Variants in ZBTB7C observed in about 807,000 individuals in gnomAD.
ZBTB7C encodes zinc finger and BTB domain-containing protein 7C.
In ZBTB7C, 8 loss-of-function variants were observed where a neutral mutation model predicts 25.7. The observed-to-expected ratio is 0.31, with a 90% CI of 0.18 to 0.56. The LOEUF (loss-of-function observed/expected upper bound fraction) is 0.56. Among genes scored for constraint, ZBTB7C ranks in the 20% least tolerant of loss-of-function variants. The pLI is 0.91. For missense variants in ZBTB7C, 824 were observed against 855.2 expected (o/e 0.96, Z 0.46); for synonymous variants, 394 against 369.0 (o/e 1.07, Z -0.78).
chr18:48,180,754 C>A (rs553488784), intron 3 of ZBTB7C, among the ~76,000 whole-genome samples: 4 of 152,290 alleles, frequency 2.6e-5, no homozygotes, highest in Admixed American at 2.0e-4. Flanking sequence ...TATCATTCAA[C>A]CTCCCACCAG....
chr18:48,061,752 TTGAGAA>T (rs1409355739), intron 3 of ZBTB7C, among the ~76,000 whole-genome samples: 1 of 152,230 alleles, frequency 6.6e-6, no homozygotes, highest in Non-Finnish European at 1.5e-5. Flanking sequence ...TGTAAGTTCC[TTGAGAA>T]TGAGAATGAG....
At chr18:48,071,299 A>G (rs2037532213) in intron 3 of ZBTB7C, among the ~76,000 whole-genome samples, 2 of 152,220 alleles carry the variant, frequency 1.3e-5, no homozygotes, top group African/African-American at 4.8e-5. Flanking sequence ...GTAAAGAAGC[A>G]TGAATGACTC....
At chr18:48,177,347 C>T (rs2041716408) in intron 3 of ZBTB7C, among the ~76,000 whole-genome samples, 1 of 152,138 alleles carries the variant, frequency 6.6e-6, no homozygotes, top group South Asian at 2.1e-4. Context: ...TCTTCAAGGC[C>T]CCCTCCTGGT....
At chr18:48,064,802 G>C (rs1397660287) in intron 3 of ZBTB7C, among the ~76,000 whole-genome samples, 1 of 152,076 alleles carries the variant, frequency 6.6e-6, no homozygotes, top group African/African-American at 2.4e-5. Flanking sequence ...CCAAGGCAGG[G>C]CCCCCCGGGA....
At chr18:48,073,665 CACCCAAGAAG>C (rs1312368335) in intron 3 of ZBTB7C, among the ~76,000 whole-genome samples, 1 of 152,200 alleles carries the variant, frequency 6.6e-6, no homozygotes, top group Non-Finnish European at 1.5e-5. Flanking sequence ...CCTCTCCCCC[CACCCAAGAAG>C]ACCTTATTTC....
At chr18:48,394,380 C>T (rs1205025750) in intron 1 of ZBTB7C, among the ~76,000 whole-genome samples, 1 of 152,186 alleles carries the variant, frequency 6.6e-6, no homozygotes, top group African/African-American at 2.4e-5. Context: ...CTCTTTGCCT[C>T]ATTCACAGCG....
intron 3 of ZBTB7C, among the ~76,000 whole-genome samples, chr18:48,167,543 G>A (rs999466819): frequency 8.2e-6 from 1 of 121,252 alleles, no homozygotes; most frequent in South Asian, 2.6e-4. Flanking sequence ...AATGTTAAAT[G>A]CAGGCCACTG....
chr18:48,411,944 T>C (rs894881352), upstream of ZBTB7C, among the ~76,000 whole-genome samples: 1 of 152,226 alleles, frequency 6.6e-6, no homozygotes, highest in African/African-American at 2.4e-5. Context: ...GTAAGTGCAA[T>C]GGTAAACGTT....
chr18:48,350,254 G>A (rs1178097220), intron 1 of ZBTB7C, among the ~76,000 whole-genome samples: 2 of 152,178 alleles, frequency 1.3e-5, no homozygotes, highest in Non-Finnish European at 2.9e-5. Flanking sequence ...CCTTCCTGGA[G>A]GCTCTAGGGA....
chr18:48,203,399 T>A (rs1193697700), intron 2 of ZBTB7C: 1 of 152,304 alleles, frequency 6.6e-6, no homozygotes, highest in Non-Finnish European at 1.5e-5. Flanking sequence ...GCTACAGGGA[T>A]CTTTCCTTAA....
intron 3 of ZBTB7C, among the ~76,000 whole-genome samples, chr18:48,176,706 T>A (rs1461637913): frequency 6.6e-6 from 1 of 152,108 alleles, no homozygotes; most frequent in Non-Finnish European, 1.5e-5. Flanking sequence ...AACTGAGATA[T>A]AAGAATACAA....
chr18:48,267,511 GA>G (rs1279387312), intron 2 of ZBTB7C, among the ~76,000 whole-genome samples: 1 of 152,158 alleles, frequency 6.6e-6, no homozygotes, highest in African/African-American at 2.4e-5. Context: ...AGGAATAAAG[GA>G]AACCCAAATT....
At chr18:48,197,660 G>C (rs2042348163) in intron 2 of ZBTB7C, among the ~76,000 whole-genome samples, 1 of 152,142 alleles carries the variant, frequency 6.6e-6, no homozygotes, top group Non-Finnish European at 1.5e-5. Context: ...CTCTGCTCTT[G>C]GTTTCAGACA....
In ZBTB7C at chr18:48,133,565, T is replaced by C. The variant is rs75172394; in HGVS notation, c.-17+52369A>G. Among the ~76,000 whole-genome samples, 1,517 of 151,854 alleles carry C rather than the reference T, an allele frequency of 1.0e-2. 33 individuals are homozygous for C. The highest frequency in any genetic ancestry group is 0.035 in the African/African-American group (1,428 of 41,276). On this transcript the variant is annotated intron_variant, in intron 3 of 4. Transcript: ENST00000590800. ...AAGCAATAACATGCAGAATGTATGA[T>C]ATAAAGGGCCTGTGTCATCACACAT...
At chr18:48,321,878 T>C (rs1323657578) in intron 2 of ZBTB7C, among the ~76,000 whole-genome samples, 2 of 152,146 alleles carry the variant, frequency 1.3e-5, no homozygotes, top group African/African-American at 2.4e-5. Context: ...GTTTGGTAAA[T>C]GGGATGGAAG....
At chr18:48,231,847 C>T (rs1274369993) in intron 2 of ZBTB7C, among the ~76,000 whole-genome samples, 1 of 152,244 alleles carries the variant, frequency 6.6e-6, no homozygotes, top group African/African-American at 2.4e-5. Flanking sequence ...CCAGGCACCA[C>T]CAAGTTCCCC....
chr18:48,268,564 A>G (rs1183356897), intron 2 of ZBTB7C, among the ~76,000 whole-genome samples: 1 of 152,226 alleles, frequency 6.6e-6, no homozygotes, highest in African/African-American at 2.4e-5. Context: ...GATGAACTTG[A>G]TTAGATATCA....
Position 48,078,940 on chromosome 18 carries a change from T to C in ZBTB7C, c.-16-37817A>G, listed in dbSNP as rs186546568. ...AATGCATATATCACAATTTGTTCAT[T>C]CATTCATTCATTCATTCATTGATAG... is the stretch of plus-strand genomic sequence containing the variant. On this transcript the variant is annotated intron_variant, in intron 3 of 4. Coordinates refer to ENST00000590800, the MANE Select transcript of ZBTB7C (RefSeq NM_001318841.2). Among the ~76,000 whole-genome samples the C allele has an allele frequency of 3.9e-5, 6 of 152,368 alleles. No individual in the cohort carries two copies. The East Asian group carries it at 1.2e-3, about 29-fold the overall frequency.
intron 2 of ZBTB7C, among the ~76,000 whole-genome samples, chr18:48,227,494 G>T (rs1422104397): frequency 6.6e-6 from 1 of 152,192 alleles, no homozygotes; most frequent in East Asian, 1.9e-4. Context: ...CAACACTGTG[G>T]GTTACCTTCA....
Sources: allele counts gnomAD v4.1 joint callset (sites outside exome capture counted in the v4.1 genomes callset), GRCh38; gene constraint gnomAD v4.1.1; transcripts MANE v1.5; gene names NCBI Gene and HGNC (gene_info 2026-07-23, HGNC 2026-07-21).